The following PSIP1 variants were observed in gnomAD, a reference collection of about 807,000 sequenced individuals.
The protein encoded by PSIP1 is PC4 and SRSF1 interacting protein 1.
PSIP1 carries 19 observed loss-of-function variants against 74.7 expected under a neutral mutation model. The ratio of observed to expected loss-of-function variants is 0.25; its 90% confidence interval spans 0.18 to 0.37. PSIP1 has a LOEUF of 0.37. PSIP1 is among the 10% of genes least tolerant of loss of function. The pLI is 1.00. For synonymous variants in PSIP1, 222 were observed against 195.3 expected (o/e 1.14, Z -1.14); for missense variants, 601 against 614.3 (o/e 0.98, Z 0.23).
intron 3 of PSIP1, among the ~76,000 whole-genome samples, chr9:15,494,773 A>T (rs2036998487): frequency 6.6e-6 from 1 of 152,098 alleles, no homozygotes; most frequent in Non-Finnish European, 1.5e-5. Flanking sequence ...GTTAAACTGA[A>T]ATCATCTCAT....
intron 10 of PSIP1, chr9:15,471,240 A>G: frequency 6.2e-7 from 1 of 1,600,116 alleles, no homozygotes; most frequent in Non-Finnish European, 8.6e-7. Flanking sequence ...GGCTGGGAAT[A>G]CAATACAATA....
intron 3 of PSIP1, among the ~76,000 whole-genome samples, chr9:15,504,434 G>C (rs1218340617): frequency 6.6e-6 from 1 of 152,162 alleles, no homozygotes; most frequent in African/African-American, 2.4e-5. Flanking sequence ...AGAATGGACT[G>C]TGTATTCTGT....
chr9:15,479,748 G>C, intron 6 of PSIP1, 61 bp from the exon 7 acceptor site: 1 of 1,328,526 alleles, frequency 7.5e-7, no homozygotes, highest in Non-Finnish European at 1.1e-6. Flanking sequence ...AGTTTAATTC[G>C]ATGGCAAAAA....
intron 3 of PSIP1, 47 bp from the exon 4 acceptor site, chr9:15,490,171 C>T (rs769234327): frequency 1.7e-5 from 25 of 1,475,532 alleles, no homozygotes; most frequent in Non-Finnish European, 2.2e-5. Flanking sequence ...AGCTCAAATA[C>T]ATAATTTATT....
chr9:15,510,310 G>T lies in PSIP1; in HGVS notation c.-122C>A. ...GCCCGCGGGCGGGGGAGGATGCCTC[G>T]GGGCGTCCCGACGCGCCTGCTAGGG... On this transcript the variant is annotated 5_prime_UTR_variant, in exon 2 of 16. Transcript: ENST00000380733. 4.4e-6 allele frequency: 3 copies of T among 680,826 alleles called. No homozygotes were observed. Among genetic ancestry groups the T allele is most frequent in the Non-Finnish European group, 6.8e-6 (3 of 440,596 alleles). 42.2% of individuals were successfully genotyped at this position (680,826 alleles called of 1,614,324 possible).
intron 14 of PSIP1, 53 bp from the exon 15 acceptor site, chr9:15,466,912 T>C: frequency 7.4e-7 from 1 of 1,351,610 alleles, no homozygotes; most frequent in Non-Finnish European, 1.0e-6. Flanking sequence ...AAACAATAAT[T>C]GAAGGTGTCC....
chr9:15,487,952 T>C (rs981674503), intron 4 of PSIP1, among the ~76,000 whole-genome samples: 1 of 152,212 alleles, frequency 6.6e-6, no homozygotes, highest in Non-Finnish European at 1.5e-5. Context: ...ATGAAAGATT[T>C]ATATGTTCCA....
At chr9:15,467,057 G>T (rs532860665) in intron 14 of PSIP1, among the ~76,000 whole-genome samples, 198 bp from the exon 15 acceptor site, 3 of 152,004 alleles carry the variant, frequency 2.0e-5, no homozygotes, top group Non-Finnish European at 4.4e-5. Flanking sequence ...TCAAAAAGGG[G>T]AGCAGATGAC....
At chr9:15,507,943 T>TTATC (rs1460031812) in intron 2 of PSIP1, among the ~76,000 whole-genome samples, 2 of 152,238 alleles carry the variant, frequency 1.3e-5, no homozygotes, top group African/African-American at 4.8e-5. Flanking sequence ...CTCAACTTTG[T>TTATC]GGGAATGTCC....
intron 4 of PSIP1, chr9:15,489,561 T>A (rs527836861): frequency 6.9e-6 from 1 of 144,986 alleles, no homozygotes; most frequent in African/African-American, 2.7e-5. Flanking sequence ...TGAGCCAAGA[T>A]TGCACCATTG....
intron 11 of PSIP1, 71 bp from the exon 12 acceptor site, chr9:15,469,407 T>G: frequency 1.1e-6 from 1 of 913,308 alleles, no homozygotes. Flanking sequence ...ACAGGCTAAG[T>G]ATAATGAATT....
chr9:15,471,423 TA>T, intron 10 of PSIP1: 1 of 1,469,450 alleles, frequency 6.8e-7, no homozygotes. Context: ...TACATAAAGA[TA>T]ACTTTAAGAT....
At chr9:15,478,961 A>T (rs1208806089) in intron 7 of PSIP1, among the ~76,000 whole-genome samples, 1 of 152,014 alleles carries the variant, frequency 6.6e-6, no homozygotes, top group African/African-American at 2.4e-5. Flanking sequence ...TAGCACTATT[A>T]ATTTTATCCA....
At chr9:15,468,313 GCAAC>G (rs1172607274) in intron 14 of PSIP1, 1 of 576,948 alleles carries the variant, frequency 1.7e-6, no homozygotes, top group Non-Finnish European at 3.3e-6. Flanking sequence ...AAGCAGCTGA[GCAAC>G]CAGGAAGTGG....
chr9:15,486,130 G>C (rs2036548980), intron 5 of PSIP1, 62 bp from the exon 6 acceptor site: 1 of 1,376,240 alleles, frequency 7.3e-7, no homozygotes, highest in African/African-American at 1.5e-5. Flanking sequence ...AAGAAACCTT[G>C]TTAAACTAAA....
At chr9:15,470,762 AG>A (rs1269458066) in intron 10 of PSIP1, 1 of 973,614 alleles carries the variant, frequency 1.0e-6, no homozygotes, top group Non-Finnish European at 1.2e-6. Flanking sequence ...TAAACAACAA[AG>A]GAATGTCAAG....
At chr9:15,495,627 A>G (rs1301233863) in intron 3 of PSIP1, among the ~76,000 whole-genome samples, 1 of 152,186 alleles carries the variant, frequency 6.6e-6, no homozygotes, top group Non-Finnish European at 1.5e-5. Context: ...ATTTATTATG[A>G]TATGGAATGC....
chr9:15,471,341 G>T, intron 10 of PSIP1: 1 of 1,565,788 alleles, frequency 6.4e-7, no homozygotes, highest in Non-Finnish European at 8.8e-7. Context: ...TGTAATAACA[G>T]GAGAAGGAAA....
At chr9:15,494,565 CAAAAAAAAA>C (rs57170853) in intron 3 of PSIP1, among the ~76,000 whole-genome samples, 21 of 37,532 alleles carry the variant, frequency 5.6e-4, no homozygotes, top group African/African-American at 2.0e-3. Context: ...AACTGCATCT[CAAAAAAAAA>C]AAAAAAAAAA....
Sources: allele counts gnomAD v4.1 joint callset (sites outside exome capture counted in the v4.1 genomes callset), GRCh38; gene constraint gnomAD v4.1.1; transcripts MANE v1.5; gene names NCBI Gene and HGNC (gene_info 2026-07-23, HGNC 2026-07-21).